The following LHFPL6 variants were observed in gnomAD, a reference collection of about 807,000 sequenced individuals.
LHFPL6 encodes the protein LHFPL tetraspan subfamily member 6, also known as LHFPL tetraspan subfamily member 6 protein.
A neutral mutation model predicts 20.6 loss-of-function variants in LHFPL6; 9 were observed. The observed-to-expected ratio is 0.44, with a 90% CI of 0.26 to 0.76. The LOEUF (loss-of-function observed/expected upper bound fraction) is 0.76. Among genes scored for constraint, LHFPL6 ranks in the 30% least tolerant of loss-of-function variants. The pLI is 0.20. For synonymous variants in LHFPL6, 105 were observed against 98.7 expected, an observed-to-expected ratio of 1.06 and a Z score of -0.38; for missense variants, 218 against 253.5, an observed-to-expected ratio of 0.86 and a Z score of 0.95.
chr13:39,572,762 G>A (rs1304215559), intron 2 of LHFPL6, among the ~76,000 whole-genome samples: 1 of 152,060 alleles, frequency 6.6e-6, no homozygotes, highest in Non-Finnish European at 1.5e-5. Context: ...AACCTTCTGA[G>A]TTTGCATACC....
intron 2 of LHFPL6, among the ~76,000 whole-genome samples, chr13:39,503,203 C>A (rs1869355323): frequency 6.6e-6 from 1 of 152,234 alleles, no homozygotes; most frequent in African/African-American, 2.4e-5. Context: ...CCACTGGACA[C>A]ATCGCTCCCT....
intron 3 of LHFPL6, among the ~76,000 whole-genome samples, chr13:39,374,066 C>A (rs1363258060): frequency 6.6e-6 from 1 of 152,106 alleles, no homozygotes; most frequent in African/African-American, 2.4e-5. Context: ...CAAAAAGATT[C>A]ATGTACCCCA....
At chr13:39,384,542 A>G (rs1196419999) in intron 2 of LHFPL6, among the ~76,000 whole-genome samples, 1 of 152,212 alleles carries the variant, frequency 6.6e-6, no homozygotes. Flanking sequence ...GTGGAAATCA[A>G]TGTTTGATGG....
chr13:39,577,418 A>G (rs1051697109), intron 2 of LHFPL6, among the ~76,000 whole-genome samples: 4 of 152,172 alleles, frequency 2.6e-5, no homozygotes, highest in Non-Finnish European at 5.9e-5. Flanking sequence ...AAAGGAGCAT[A>G]TGTGCTTCCA....
chr13:39,348,294 G>C (rs1345125901), intron 3 of LHFPL6, among the ~76,000 whole-genome samples: 1 of 152,046 alleles, frequency 6.6e-6, no homozygotes, highest in Admixed American at 6.6e-5. Flanking sequence ...GCTTATATTT[G>C]CAACGCTCTT....
chr13:39,571,335 T>C (rs1352219860), intron 2 of LHFPL6, among the ~76,000 whole-genome samples: 1 of 152,200 alleles, frequency 6.6e-6, no homozygotes, highest in Non-Finnish European at 1.5e-5. Context: ...ATTTTACATA[T>C]CCCTACCCTT....
At position 39,482,377 on chromosome 13, in the gene LHFPL6, A is replaced by T. The variant is rs376151667; in HGVS notation, c.386-103851T>A. Among the ~76,000 whole-genome samples, 301 of 151,816 alleles carry T rather than the reference A, an allele frequency of 2.0e-3. 2 individuals are homozygous for T. The highest frequency in any genetic ancestry group is 3.8e-3 in the African/African-American group (159 of 41,378). On this transcript the variant is annotated intron_variant, in intron 2 of 3. Transcript: ENST00000379589. Reference sequence around the variant, plus strand: ...GAGAATCATTTGAACCTAGGGGTGGAGGTTGTGGTGAGCCAAGATCGTGCC... The same window carrying T: ...GAGAATCATTTGAACCTAGGGGTGGTGGTTGTGGTGAGCCAAGATCGTGCC...
chr13:39,450,790 T>C (rs907709136), intron 2 of LHFPL6, among the ~76,000 whole-genome samples: 1 of 152,208 alleles, frequency 6.6e-6, no homozygotes, highest in Non-Finnish European at 1.5e-5. Flanking sequence ...ATGGGCCATT[T>C]TGTGATATGT....
At chr13:39,352,040 A>G (rs983227800) in intron 3 of LHFPL6, among the ~76,000 whole-genome samples, 2 of 152,230 alleles carry the variant, frequency 1.3e-5, no homozygotes, top group African/African-American at 2.4e-5. Context: ...CATGTTCAAC[A>G]GCATGGTTTC....
intron 2 of LHFPL6, among the ~76,000 whole-genome samples, chr13:39,499,513 A>T (rs1428872353): frequency 6.6e-6 from 1 of 152,176 alleles, no homozygotes; most frequent in Non-Finnish European, 1.5e-5. Flanking sequence ...AAACAGAACC[A>T]GCCCATGCCC....
rs1441566883 is a variant in LHFPL6, at chr13:39,572,288, C to CTCTCTGTGTG, written c.385+28543_385+28544insCACACAGAGA. Among the ~76,000 whole-genome samples the CTCTCTGTGTG allele has an allele frequency of 1.8e-3, 259 of 143,506 alleles. 1 individual carries two copies. Among genetic ancestry groups the CTCTCTGTGTG allele is most frequent in the East Asian group, 0.01 (50 of 4,772 alleles). The allele number at this position is 143,506 out of a possible 152,430, so 94.1% of individuals were successfully genotyped here. A position where few individuals can be genotyped will look rare whatever the true frequency, so the allele number is the denominator to read the frequency against. On this transcript the variant is annotated intron_variant, in intron 2 of 3. Coordinates refer to ENST00000379589, the MANE Select transcript of LHFPL6 (RefSeq NM_005780.3). ...GCCGTGGTAGTATATTTTTTAAACTCTGTGTGTGTGTGTGTGTGTGTGTGT... is the reference window on the plus strand; with the variant it reads ...GCCGTGGTAGTATATTTTTTAAACTCTCTCTGTGTGTGTGTGTGTGTGTGTGTGTGTGTGT...
At chr13:39,347,299 T>C (rs1011132916) in intron 3 of LHFPL6, among the ~76,000 whole-genome samples, 2 of 152,170 alleles carry the variant, frequency 1.3e-5, no homozygotes, top group Non-Finnish European at 2.9e-5. Context: ...ACCCAGAAAT[T>C]CTACTTCCAG....
rs572553399 is a variant in LHFPL6, at chr13:39,505,463, A to G, written c.385+95369T>C. On this transcript the variant is annotated intron_variant, in intron 2 of 3. Coordinates refer to ENST00000379589, the MANE Select transcript of LHFPL6 (RefSeq NM_005780.3). ...TGAGGATTATGTTACTTGGTGGAGG[A>G]AAAGAGAACTTCAGAGGAGATACGA... is the stretch of plus-strand genomic sequence containing the variant. Among the ~76,000 whole-genome samples the G allele has an allele frequency of 1.7e-3, 253 of 152,272 alleles. 1 individual carries two copies. Among genetic ancestry groups the G allele is most frequent in the Non-Finnish European group, 2.7e-3 (186 of 68,018 alleles).
intron 2 of LHFPL6, among the ~76,000 whole-genome samples, chr13:39,574,136 G>A (rs761009583): frequency 4.7e-4 from 71 of 152,082 alleles, no homozygotes; most frequent in Non-Finnish European, 2.2e-4. Context: ...TCTAAACCTC[G>A]GCTTTCACAT....
chr13:39,561,602 A>G (rs1195673534), intron 2 of LHFPL6, among the ~76,000 whole-genome samples: 2 of 152,194 alleles, frequency 1.3e-5, no homozygotes, highest in East Asian at 1.9e-4. Context: ...AGCTGGAATC[A>G]TAGGCACAAG....
At chr13:39,560,265 G>A (rs1871430208) in intron 2 of LHFPL6, among the ~76,000 whole-genome samples, 6 of 152,184 alleles carry the variant, frequency 3.9e-5, no homozygotes, top group Admixed American at 3.9e-4. Context: ...ATTCTTTGAT[G>A]AGACAGGATT....
At chr13:39,357,552 C>T (rs760066293) in intron 3 of LHFPL6, among the ~76,000 whole-genome samples, 1 of 152,176 alleles carries the variant, frequency 6.6e-6, no homozygotes, top group Non-Finnish European at 1.5e-5. Flanking sequence ...AAGTATAAGT[C>T]AAACTATCTC....
chr13:39,477,060 C>G (rs1873101453), intron 2 of LHFPL6, among the ~76,000 whole-genome samples: 1 of 152,168 alleles, frequency 6.6e-6, no homozygotes, highest in African/African-American at 2.4e-5. Flanking sequence ...GTCCTTCACT[C>G]CCTAGCACTC....
At chr13:39,491,958 A>G (rs754597974) in intron 2 of LHFPL6, among the ~76,000 whole-genome samples, 3 of 152,246 alleles carry the variant, frequency 2.0e-5, no homozygotes, top group Non-Finnish European at 2.9e-5. Flanking sequence ...GCAGAAATTT[A>G]CATTACTTTT....
Sources: allele counts gnomAD v4.1 joint callset (sites outside exome capture counted in the v4.1 genomes callset), GRCh38; gene constraint gnomAD v4.1.1; transcripts MANE v1.5; gene names NCBI Gene and HGNC (gene_info 2026-07-23, HGNC 2026-07-21).